The following HSPBAP1 variants were observed in gnomAD, a reference collection of about 807,000 sequenced individuals.
The protein encoded by HSPBAP1 is HSPB1 associated protein 1, also known as HSPB1-associated protein 1.
HSPBAP1 carries 27 observed loss-of-function variants against 45.2 expected under a neutral mutation model. That is an observed-to-expected ratio of 0.60 (90% CI 0.44 to 0.82). The LOEUF is 0.82. Ranked by LOEUF, HSPBAP1 falls within the 40% of genes least tolerant of loss-of-function variation. The probability of loss-of-function intolerance (pLI) is 0.00; values close to 1 mark genes in which losing one functional copy is unlikely to be tolerated. For missense variants in HSPBAP1, 510 were observed against 590.9 expected, an observed-to-expected ratio of 0.86 and a Z score of 1.42; for synonymous variants, 204 against 202.7, an observed-to-expected ratio of 1.01 and a Z score of -0.06.
At chr3:122,782,720 A>G (rs192488371) in intron 1 of HSPBAP1, among the ~76,000 whole-genome samples, 21 of 152,326 alleles carry the variant, frequency 1.4e-4, no homozygotes, top group Non-Finnish European at 2.1e-4. Context: ...TACTTTATCT[A>G]TAATTACACT....
intron 4 of HSPBAP1, among the ~76,000 whole-genome samples, chr3:122,758,391 A>G (rs1289855353): frequency 6.6e-6 from 1 of 152,202 alleles, no homozygotes; most frequent in Admixed American, 6.5e-5. Context: ...GACCTAAGGT[A>G]ACAATACACT....
intron 1 of HSPBAP1, among the ~76,000 whole-genome samples, chr3:122,784,464 T>C (rs1016925607): frequency 6.6e-6 from 1 of 152,044 alleles, no homozygotes; most frequent in African/African-American, 2.4e-5. Context: ...CAGAAAAATA[T>C]TTACTAAATT....
chr3:122,778,819 T>C (rs1281279393), intron 1 of HSPBAP1, among the ~76,000 whole-genome samples: 15 of 151,932 alleles, frequency 9.9e-5, no homozygotes, highest in Admixed American at 9.8e-4. Flanking sequence ...CGTGAGCCAC[T>C]GCACCCGGCC....
At chr3:122,765,012 G>A (rs1357274407) in intron 3 of HSPBAP1, among the ~76,000 whole-genome samples, 1 of 152,204 alleles carries the variant, frequency 6.6e-6, no homozygotes, top group Non-Finnish European at 1.5e-5. Context: ...ACATAGCTAT[G>A]AGAGCATGTT....
At chr3:122,753,708 A>G in intron 5 of HSPBAP1, 1 of 977,630 alleles carries the variant, frequency 1.0e-6, no homozygotes, top group Non-Finnish European at 1.2e-6. Flanking sequence ...GGAAATAGAA[A>G]GAGAGATCCT....
intron 2 of HSPBAP1, 142 bp downstream of exon 2, chr3:122,777,579 C>A: frequency 1.9e-6 from 1 of 539,742 alleles, no homozygotes; most frequent in Non-Finnish European, 3.2e-6. Flanking sequence ...CCAAACCTTC[C>A]AATAAAATGT....
At chr3:122,781,283 G>A (rs1403379750) in intron 1 of HSPBAP1, among the ~76,000 whole-genome samples, 1 of 152,218 alleles carries the variant, frequency 6.6e-6, no homozygotes, top group Non-Finnish European at 1.5e-5. Context: ...CTGAGTGAAC[G>A]AGACTCCGCC....
At position 122,773,308 on chromosome 3, in the gene HSPBAP1, T is replaced by G. The variant is rs943521903; in HGVS notation, c.250+4413A>C. On this transcript the variant is annotated intron_variant, in intron 2 of 7. Coordinates refer to ENST00000306103, the MANE Select transcript of HSPBAP1 (RefSeq NM_024610.6). ...ACCAGCAATCAAATAAATGTGTTTT[T>G]TTTTTTTTTTTTTTTTTTGGAGACA... Among the ~76,000 whole-genome samples, 14 of 127,592 alleles carry G rather than the reference T, an allele frequency of 1.1e-4. No homozygotes were observed. In the East Asian group the frequency reaches 1.2e-3, roughly 11 times the overall value. 83.7% of individuals were successfully genotyped at this position (127,592 alleles called of 152,430 possible).
chr3:122,769,423 G>A (rs1310006408), intron 2 of HSPBAP1, among the ~76,000 whole-genome samples: 1 of 152,174 alleles, frequency 6.6e-6, no homozygotes, highest in Non-Finnish European at 1.5e-5. Flanking sequence ...TGTATTATCT[G>A]TCCACAGTGG....
chr3:122,752,826 C>T (rs1431035443), intron 5 of HSPBAP1, 152 bp from the exon 6 acceptor site: 1 of 1,393,970 alleles, frequency 7.2e-7, no homozygotes, highest in Admixed American at 3.5e-5. Flanking sequence ...AAAAAAAACC[C>T]CGCAAACCTT....
intron 1 of HSPBAP1, among the ~76,000 whole-genome samples, chr3:122,793,117 A>G (rs1198430114): frequency 2.0e-5 from 3 of 152,210 alleles, no homozygotes; most frequent in African/African-American, 7.2e-5. Flanking sequence ...TATTCAGAAC[A>G]CAGCCCTGCA....
At chr3:122,751,751 G>C (rs1934152539) in intron 6 of HSPBAP1, among the ~76,000 whole-genome samples, 1 of 152,124 alleles carries the variant, frequency 6.6e-6, no homozygotes, top group Non-Finnish European at 1.5e-5. Flanking sequence ...TGACGCTACT[G>C]ATCTCCTGCC....
chr3:122,784,700 A>G (rs1415347226), intron 1 of HSPBAP1, among the ~76,000 whole-genome samples: 1 of 152,238 alleles, frequency 6.6e-6, no homozygotes, highest in Non-Finnish European at 1.5e-5. Context: ...ATCAAAGGCT[A>G]TTACAACCAG....
Position 122,759,299 on chromosome 3 carries a change from A to G in HSPBAP1, c.494T>C (p.Ile165Thr), listed in dbSNP as rs773546983. The change falls in exon 4 of 8, where the codon ATT becomes ACT. Residue 165 changes from isoleucine (I) to threonine (T), a missense_variant. By Grantham distance (89) the Ile-to-Thr change is moderately conservative. Coordinates refer to ENST00000306103, the MANE Select transcript of HSPBAP1 (RefSeq NM_024610.6). ...GGGTGTGTGGGCTCCCAAGGAGCCA[A>G]TCCACAATGTACTTTCCTGTCCATT... ...GRNGQESTLWIGSLGAHTPCH... is the reference protein window; with the variant it reads ...GRNGQESTLWTGSLGAHTPCH... 1.2e-6 allele frequency: 2 copies of G among 1,614,022 alleles called. No homozygotes were observed. The highest frequency in any genetic ancestry group is 2.2e-5 in the South Asian group (2 of 91,080).
intron 1 of HSPBAP1, among the ~76,000 whole-genome samples, chr3:122,791,895 C>T (rs1284580182): frequency 6.6e-6 from 1 of 152,100 alleles, no homozygotes. Context: ...TCACTTTTTG[C>T]TGCAGAGTGG....
intron 1 of HSPBAP1, 114 bp from the exon 2 acceptor site, chr3:122,778,020 A>C: frequency 1.4e-6 from 1 of 701,746 alleles, no homozygotes; most frequent in South Asian, 1.9e-5. Flanking sequence ...CTCTACAATT[A>C]CAATAATGTA....
At chr3:122,786,746 G>A (rs979285830) in intron 1 of HSPBAP1, among the ~76,000 whole-genome samples, 1 of 152,200 alleles carries the variant, frequency 6.6e-6, no homozygotes, top group African/African-American at 2.4e-5. Flanking sequence ...GCACTATGAA[G>A]TGTGTGCAAA....
chr3:122,758,491 AG>A (rs1308044925), intron 4 of HSPBAP1, among the ~76,000 whole-genome samples: 1 of 152,180 alleles, frequency 6.6e-6, no homozygotes, highest in Non-Finnish European at 1.5e-5. Flanking sequence ...CTTGGAGAGG[AG>A]CTTGAGGGCA....
chr3:122,792,980 C>A (rs1380287659), intron 1 of HSPBAP1, among the ~76,000 whole-genome samples: 1 of 152,176 alleles, frequency 6.6e-6, no homozygotes, highest in Non-Finnish European at 1.5e-5. Flanking sequence ...TCCTAACAAC[C>A]CTCACAGAGT....
Sources: gnomAD v4.1 joint callset for allele counts (sites outside exome capture counted in the v4.1 genomes callset) on GRCh38, gnomAD v4.1.1 for gene constraint, MANE v1.5 for transcripts, NCBI Gene and HGNC (gene_info 2026-07-23, HGNC 2026-07-21) for gene names.